The following PID1 variants were observed in gnomAD, a reference collection of about 807,000 sequenced individuals.
The protein encoded by PID1 is PTB-containing, cubilin and LRP1-interacting protein.
A neutral mutation model predicts 19.1 loss-of-function variants in PID1; 10 were observed. The observed-to-expected ratio is 0.52, with a 90% confidence interval of 0.32 to 0.89. The LOEUF is 0.89. Ranked by LOEUF, PID1 falls within the 40% of genes least tolerant of loss-of-function variation. PID1 has a pLI of 0.03. For missense variants in PID1, 248 were observed against 285.3 expected (o/e 0.87, Z 0.94); for synonymous variants, 130 against 116.0 (o/e 1.12, Z -0.78).
chr2:229,217,308 A>G (rs1322805245), intron 1 of PID1, among the ~76,000 whole-genome samples: 1 of 152,220 alleles, frequency 6.6e-6, no homozygotes, highest in East Asian at 1.9e-4. Flanking sequence ...TAAAATATGA[A>G]GCTCAGCTGC....
chr2:229,039,055 G>C (rs952719352), intron 2 of PID1, among the ~76,000 whole-genome samples: 1 of 152,172 alleles, frequency 6.6e-6, no homozygotes, highest in Non-Finnish European at 1.5e-5. Context: ...TAACGCCACT[G>C]TATACAGTAT....
chr2:229,125,980 G>A (rs1695614784), intron 2 of PID1, among the ~76,000 whole-genome samples: 1 of 152,090 alleles, frequency 6.6e-6, no homozygotes, highest in African/African-American at 2.4e-5. Flanking sequence ...TACTTAGAGA[G>A]CAATAGAGGA....
chr2:229,163,600 G>C (rs1289550044), intron 1 of PID1, among the ~76,000 whole-genome samples: 1 of 147,878 alleles, frequency 6.8e-6, no homozygotes, highest in Non-Finnish European at 1.5e-5. Flanking sequence ...CCCAAGGCTT[G>C]TGAAGGGCTC....
At chr2:229,094,700 A>T (rs2106222411) in intron 2 of PID1, among the ~76,000 whole-genome samples, 1 of 152,278 alleles carries the variant, frequency 6.6e-6, no homozygotes, top group Non-Finnish European at 1.5e-5. Flanking sequence ...CACCCTATTC[A>T]ATAAATGGTG....
At position 229,077,634 on chromosome 2, in the gene PID1, A is replaced by T. The variant is rs79099855; in HGVS notation, c.178-51526T>A. 1.3e-3 allele frequency among the ~76,000 whole-genome samples: 193 copies of T among 152,314 alleles called. 1 individual carries two copies. The highest frequency in any genetic ancestry group is 4.6e-3 in the African/African-American group (192 of 41,560). On this transcript the variant is annotated intron_variant, in intron 2 of 2. Transcript: ENST00000392055. ...CCAGTTTCCCCAACACCATGTATTA[A>T]ATAGGTAATCCTCTCCCAATTGCTT...
chr2:229,267,284 C>T (rs554664749), intron 1 of PID1, among the ~76,000 whole-genome samples: 4 of 152,236 alleles, frequency 2.6e-5, no homozygotes, highest in African/African-American at 7.2e-5. Flanking sequence ...TTGGCCACAA[C>T]GAGGATGAAA....
At chr2:229,204,065 A>G (rs905993888) in intron 1 of PID1, among the ~76,000 whole-genome samples, 3 of 152,108 alleles carry the variant, frequency 2.0e-5, no homozygotes, top group African/African-American at 7.2e-5. Context: ...TTGGCAAACT[A>G]AACTTGTTTC....
At position 229,139,039 on chromosome 2, in the gene PID1, G is replaced by GCA. The variant is rs1559251395; in HGVS notation, c.177+16778_177+16779insTG. On this transcript the variant is annotated intron_variant, in intron 2 of 2. Coordinates refer to ENST00000392055, the MANE Select transcript of PID1 (RefSeq NM_001100818.2). ...AGAAAGAAAGAAAGAAAGAAAGAAAGAGAAAGAAAGAAAGAAAGAGAAAGA... is the reference window on the plus strand; with the variant it reads ...AGAAAGAAAGAAAGAAAGAAAGAAAGCAAGAAAGAAAGAAAGAAAGAGAAAGA... Among the ~76,000 whole-genome samples, 73 of 48,338 alleles carry GCA rather than the reference G, an allele frequency of 1.5e-3. 1 individual carries two copies. The highest frequency in any genetic ancestry group is 2.6e-3 in the Non-Finnish European group (57 of 21,668). 31.7% of individuals were successfully genotyped at this position (48,338 alleles called of 152,430 possible).
At chr2:229,103,819 C>A (rs1171105744) in intron 2 of PID1, among the ~76,000 whole-genome samples, 2 of 152,052 alleles carry the variant, frequency 1.3e-5, no homozygotes, top group East Asian at 3.9e-4. Context: ...CCTCGTGATC[C>A]ACCCACCTTG....
intron 1 of PID1, 130 bp from the exon 2 acceptor site, chr2:229,156,094 A>C: frequency 1.4e-6 from 1 of 719,850 alleles, no homozygotes; most frequent in Non-Finnish European, 2.3e-6. Context: ...AGAGATATTT[A>C]GTAAAACAGA....
intron 1 of PID1, among the ~76,000 whole-genome samples, chr2:229,267,675 T>A (rs1296620201): frequency 6.6e-6 from 1 of 152,182 alleles, no homozygotes; most frequent in African/African-American, 2.4e-5. Context: ...AGAAAATACT[T>A]GTTCCTATGG....
intron 2 of PID1, among the ~76,000 whole-genome samples, chr2:229,049,198 T>C (rs148010769): frequency 1.3e-5 from 2 of 152,366 alleles, no homozygotes; most frequent in African/African-American, 4.8e-5. Context: ...TGATCATCAC[T>C]TTATCATCTT....
At chr2:229,102,483 G>A (rs1695092317) in intron 2 of PID1, among the ~76,000 whole-genome samples, 1 of 152,166 alleles carries the variant, frequency 6.6e-6, no homozygotes, top group Non-Finnish European at 1.5e-5. Flanking sequence ...GTAAAAGGAG[G>A]AAAGCGAGAC....
chr2:229,119,245 C>T (rs1244875993), intron 2 of PID1, among the ~76,000 whole-genome samples: 3 of 152,162 alleles, frequency 2.0e-5, no homozygotes, highest in South Asian at 2.1e-4. Flanking sequence ...TTTATTAATA[C>T]CCTGTATTCT....
intron 1 of PID1, among the ~76,000 whole-genome samples, chr2:229,205,062 G>T (rs922629643): frequency 6.6e-6 from 1 of 152,018 alleles, no homozygotes; most frequent in Admixed American, 6.6e-5. Flanking sequence ...TACATAAATA[G>T]AATAACATTT....
In PID1 at chr2:229,122,715, C is replaced by T. The variant is rs549047456; in HGVS notation, c.177+33103G>A. Among the ~76,000 whole-genome samples, 11 of 152,266 alleles carry T rather than the reference C, an allele frequency of 7.2e-5. 1 individual carries two copies. In the South Asian group the frequency reaches 2.3e-3, roughly 32 times the overall value. On this transcript the variant is annotated intron_variant, in intron 2 of 2. Transcript: ENST00000392055. ...GATTGAGGACTTTCATACAGCATTT[C>T]AAACAAGTTTATTAGAAAATATCAT...
chr2:229,192,444 G>T (rs578243546), intron 1 of PID1, among the ~76,000 whole-genome samples: 1 of 152,194 alleles, frequency 6.6e-6, no homozygotes, highest in South Asian at 2.1e-4. Context: ...ATCTCTTTAT[G>T]TAACTGACTT....
At chr2:229,254,184 G>T (rs1335397615) in intron 1 of PID1, among the ~76,000 whole-genome samples, 1 of 152,086 alleles carries the variant, frequency 6.6e-6, no homozygotes, top group Non-Finnish European at 1.5e-5. Context: ...CTCCAAAATT[G>T]AATGGAGTCT....
Position 229,025,659 on chromosome 2 carries a change from G to A in PID1, c.627C>T (p.Ser209=). The A allele has an allele frequency of 6.2e-7, 1 of 1,611,662 alleles. No individual in the cohort carries two copies. The highest frequency in any genetic ancestry group is 8.5e-7 in the Non-Finnish European group (1 of 1,177,902). Residue 209 remains serine, a synonymous_variant, in exon 3 of 3, where the codon TCC becomes TCT. Transcript: ENST00000392055. The part of the protein sequence containing the change: ...IHSNSSSEEV[S]QELESDDG ...AGCCATCATCGGATTCCAATTCCTG[G>A]GAAACCTCTTCGGAGGAGCTGTTGC... is the stretch of plus-strand genomic sequence containing the variant.
Sources: gnomAD v4.1 joint callset for allele counts (sites outside exome capture counted in the v4.1 genomes callset) on GRCh38, gnomAD v4.1.1 for gene constraint, MANE v1.5 for transcripts, NCBI Gene and HGNC (gene_info 2026-07-23, HGNC 2026-07-21) for gene names.